Variants in LRRC37A2 observed in about 807,000 individuals in gnomAD.
The protein encoded by LRRC37A2 is leucine-rich repeat-containing protein 37A2.
LRRC37A2 carries 9 observed loss-of-function variants against 68.8 expected under a neutral mutation model. The ratio of observed to expected loss-of-function variants is 0.13; its 90% CI spans 0.08 to 0.23. The LOEUF is 0.23. Ranked by LOEUF, LRRC37A2 falls within the 10% of genes least tolerant of loss-of-function variation. The pLI, the probability that LRRC37A2 is intolerant of heterozygous loss-of-function variation, is 1.00. For synonymous variants in LRRC37A2, 63 were observed against 367.6 expected (o/e 0.17, Z 9.48); for missense variants, 168 against 950.4 (o/e 0.18, Z 10.82).
chr17:46,871,065 C>T, the LRRC37A2 span, among the ~76,000 whole-genome samples: 8 of 151,958 alleles, frequency 5.3e-5, no homozygotes, highest in East Asian at 1.9e-4. Context: ...TGTGTGCCAC[C>T]ATGCCCACAT....
At chr17:46,415,749 G>GT in the LRRC37A2 span, among the ~76,000 whole-genome samples, 1 of 34,062 alleles carries the variant, frequency 2.9e-5, no homozygotes, top group Non-Finnish European at 6.0e-5. Context: ...TTTTTTTTTT[G>GT]TTTTTTTGAC....
the LRRC37A2 span, chr17:47,033,437 T>G: frequency 2.5e-5 from 17 of 690,214 alleles, no homozygotes; most frequent in East Asian, 5.4e-5. Flanking sequence ...ATCGCGCATA[T>G]TGGGTGAGGG....
the LRRC37A2 span, among the ~76,000 whole-genome samples, chr17:46,782,547 C>A: frequency 6.6e-6 from 1 of 152,250 alleles, no homozygotes; most frequent in African/African-American, 2.4e-5. Flanking sequence ...AGGAACCAAG[C>A]GTTGGCTTTG....
chr17:46,769,725 C>T, the LRRC37A2 span: 1 of 1,596,866 alleles, frequency 6.3e-7, no homozygotes, highest in Non-Finnish European at 8.5e-7. Context: ...CAGGGCAGCT[C>T]CGGAGGGGAA....
the LRRC37A2 span, among the ~76,000 whole-genome samples, chr17:46,695,286 G>T: frequency 0.13 from 17,411 of 137,812 alleles, no homozygotes; most frequent in Non-Finnish European, 0.19. Context: ...GAGGAAGTGG[G>T]AGTTTCCACG....
the LRRC37A2 span, among the ~76,000 whole-genome samples, chr17:46,724,599 C>T: frequency 8.5e-5 from 13 of 152,166 alleles, no homozygotes; most frequent in African/African-American, 1.9e-4. Context: ...CCTGTGCCCC[C>T]GTATCATCTT....
chr17:46,726,556 A>G, the LRRC37A2 span: 1 of 1,613,940 alleles, frequency 6.2e-7, no homozygotes, highest in Non-Finnish European at 8.5e-7. Context: ...CAGATCTTTG[A>G]TGATGCGTAC....
the LRRC37A2 span, chr17:46,941,688 C>A: frequency 6.3e-6 from 1 of 159,732 alleles, no homozygotes; most frequent in Non-Finnish European, 1.3e-5. Context: ...ATCCTCATAC[C>A]TCAGCCTCCT....
chr17:47,021,207 T>C, the LRRC37A2 span, among the ~76,000 whole-genome samples: 1 of 151,960 alleles, frequency 6.6e-6, no homozygotes, highest in African/African-American at 2.4e-5. Flanking sequence ...AACAGGAAGA[T>C]TATTTTATTT....
the LRRC37A2 span, among the ~76,000 whole-genome samples, chr17:46,890,009 G>A: frequency 2.0e-5 from 3 of 152,102 alleles, no homozygotes; most frequent in Non-Finnish European, 4.4e-5. Context: ...TATTATTACC[G>A]CAAGTATCAT....
the LRRC37A2 span, among the ~76,000 whole-genome samples, chr17:46,732,010 C>T: frequency 6.6e-6 from 1 of 152,100 alleles, no homozygotes; most frequent in African/African-American, 2.4e-5. Context: ...GAAGCATTCA[C>T]TTTGTCAAAC....
the LRRC37A2 span, among the ~76,000 whole-genome samples, chr17:46,861,885 C>T: frequency 2.6e-5 from 4 of 152,072 alleles, no homozygotes; most frequent in East Asian, 1.9e-4. Flanking sequence ...AAAAGTAGGC[C>T]GGGTGCAGTG....
At chr17:46,405,000 C>T in the LRRC37A2 span, among the ~76,000 whole-genome samples, 13 of 90,270 alleles carry the variant, frequency 1.4e-4, no homozygotes, top group Non-Finnish European at 2.9e-4. Flanking sequence ...CTCAGGAGTT[C>T]GAGACCAGCC....
At chr17:46,772,231 C>T in the LRRC37A2 span, among the ~76,000 whole-genome samples, 1 of 152,198 alleles carries the variant, frequency 6.6e-6, no homozygotes, top group Non-Finnish European at 1.5e-5. Flanking sequence ...CAGCAAATTC[C>T]CAAACTCTCG....
chr17:46,941,039 AT>A, the LRRC37A2 span: 1 of 1,088,408 alleles, frequency 9.2e-7, no homozygotes. Context: ...GGTCGAGCTG[AT>A]GCAAGAAACT....
At chr17:46,752,476 G>A in the LRRC37A2 span, among the ~76,000 whole-genome samples, 1 of 152,036 alleles carries the variant, frequency 6.6e-6, no homozygotes, top group Non-Finnish European at 1.5e-5. Flanking sequence ...ATTATTTTGA[G>A]ACAGGGTCTC....
chr17:46,882,751 G>C, the LRRC37A2 span, among the ~76,000 whole-genome samples: 33 of 152,134 alleles, frequency 2.2e-4, no homozygotes, highest in South Asian at 6.2e-4. Flanking sequence ...GTGGCCTATG[G>C]TGCACGAGGC....
At chr17:47,001,206 TG>T in the LRRC37A2 span, among the ~76,000 whole-genome samples, 1 of 152,120 alleles carries the variant, frequency 6.6e-6, no homozygotes, top group Non-Finnish European at 1.5e-5. Context: ...CTGAGTATTA[TG>T]GGGGTATTAA....
chr17:46,945,561 C>G, the LRRC37A2 span, among the ~76,000 whole-genome samples: 1 of 152,188 alleles, frequency 6.6e-6, no homozygotes, highest in Admixed American at 6.5e-5. Flanking sequence ...AACAGAATTG[C>G]ATCTTTGCTG....
Sources: gnomAD v4.1 joint callset for allele counts (sites outside exome capture counted in the v4.1 genomes callset) on GRCh38, gnomAD v4.1.1 for gene constraint, MANE v1.5 for transcripts, NCBI Gene and HGNC (gene_info 2026-07-23, HGNC 2026-07-21) for gene names.